The following EFCAB6 variants were observed in gnomAD, a reference collection of about 807,000 sequenced individuals.
EFCAB6 encodes EF-hand calcium binding domain 6.
EFCAB6 carries 156 observed loss-of-function variants against 169.8 expected under a neutral mutation model. The observed-to-expected ratio is 0.92, with a 90% CI of 0.81 to 1.05. EFCAB6 has a LOEUF of 1.05. Among genes scored for constraint, EFCAB6 ranks in the 50% least tolerant of loss-of-function variants. The probability of loss-of-function intolerance (pLI) is 0.00; values close to 1 mark genes in which losing one functional copy is unlikely to be tolerated. For synonymous variants in EFCAB6, 698 were observed against 676.4 expected (o/e 1.03, Z -0.50); for missense variants, 1,800 against 1,829.1 (o/e 0.98, Z 0.29).
chr22:43,529,429 G>C (rs2085814524), intron 31 of EFCAB6, among the ~76,000 whole-genome samples: 1 of 152,192 alleles, frequency 6.6e-6, no homozygotes, highest in South Asian at 2.1e-4. Flanking sequence ...AGAGCCTGCT[G>C]GTGGTAAACC....
chr22:43,633,743 G>A (rs997825274), intron 18 of EFCAB6, among the ~76,000 whole-genome samples: 3 of 152,160 alleles, frequency 2.0e-5, no homozygotes, highest in African/African-American at 7.2e-5. Context: ...AGATGGATGG[G>A]GGACAGGGCG....
chr22:43,785,836 A>G (rs138584679), intron 2 of EFCAB6, among the ~76,000 whole-genome samples: 2 of 152,204 alleles, frequency 1.3e-5, no homozygotes, highest in Admixed American at 1.3e-4. Flanking sequence ...TACAGAAATA[A>G]AAATGATTAT....
intron 29 of EFCAB6, chr22:43,536,541 A>C (rs5764204): frequency 0.77 from 117,116 of 152,104 alleles, 45,593 homozygotes; most frequent in African/African-American, 0.85. Context: ...TAAAATGTTG[A>C]ATAAACAAGA....
chr22:43,720,452 C>T (rs2059482970), intron 8 of EFCAB6, among the ~76,000 whole-genome samples: 2 of 152,034 alleles, frequency 1.3e-5, no homozygotes, highest in South Asian at 4.2e-4. Flanking sequence ...TTCAAGGCTG[C>T]AGTGAGCTAT....
chr22:43,783,028 GT>G (rs990777108), intron 2 of EFCAB6, among the ~76,000 whole-genome samples: 7 of 152,152 alleles, frequency 4.6e-5, no homozygotes, highest in African/African-American at 1.7e-4. Context: ...AGTCACTGGA[GT>G]GGACAGAACA....
rs982550409 is a variant in EFCAB6 at position 43,744,866 on chromosome 22, G to A, written c.508-8873C>T. Among the ~76,000 whole-genome samples, 2 of 152,090 alleles carry A rather than the reference G, an allele frequency of 1.3e-5. No individual in the cohort carries two copies. The highest frequency in any genetic ancestry group is 1.9e-4 in the East Asian group (1 of 5,166). On this transcript the variant is annotated intron_variant, in intron 6 of 31. Coordinates refer to ENST00000262726, the MANE Select transcript of EFCAB6 (RefSeq NM_022785.4). The surrounding 1 kb of genome is among the most constrained non-coding windows in gnomAD (Gnocchi z 4.3). ...GGAGGGAGGTACAGCCAGTGAGCAGGCCCTACCCACTCCAGGGCCCTCGGG... is the reference window on the plus strand; with the variant it reads ...GGAGGGAGGTACAGCCAGTGAGCAGACCCTACCCACTCCAGGGCCCTCGGG...
At chr22:43,638,050 G>A (rs1438740630) in intron 17 of EFCAB6, among the ~76,000 whole-genome samples, 1 of 152,158 alleles carries the variant, frequency 6.6e-6, no homozygotes, top group Non-Finnish European at 1.5e-5. Context: ...AGCGGTCGCA[G>A]GAGCGTAATC....
At chr22:43,716,685 T>C in intron 9 of EFCAB6, 163 bp downstream of exon 9, 1 of 677,074 alleles carries the variant, frequency 1.5e-6, no homozygotes, top group Non-Finnish European at 2.2e-6. Context: ...CCATGATCAA[T>C]GTATTGCTGT....
intron 30 of EFCAB6, 21 bp from the exon 31 acceptor site, chr22:43,530,985 G>C: frequency 7.0e-7 from 1 of 1,438,512 alleles, no homozygotes; most frequent in South Asian, 1.1e-5. Context: ...GACAAGAAGG[G>C]GTGAGGAGGG....
At chr22:43,616,872 C>T (rs2053726416) in intron 20 of EFCAB6, among the ~76,000 whole-genome samples, 1 of 152,186 alleles carries the variant, frequency 6.6e-6, no homozygotes, top group African/African-American at 2.4e-5. Context: ...TGCACACCCA[C>T]ATTGGCACCT....
At chr22:43,647,879 G>A (rs2056262684) in intron 17 of EFCAB6, among the ~76,000 whole-genome samples, 1 of 152,176 alleles carries the variant, frequency 6.6e-6, no homozygotes, top group Non-Finnish European at 1.5e-5. Context: ...AATGCAGCGT[G>A]CTCCCAGAGC....
In EFCAB6 at chr22:43,573,004, G is replaced by A. The variant is rs146769791; in HGVS notation, c.3420+3293C>T. Reference sequence around the variant, plus strand: ...GAGAATGCCAGTGCTACCACAGGAGGCGAAAAGGCAGGAGAGAACAGGCCA... The same window carrying A: ...GAGAATGCCAGTGCTACCACAGGAGACGAAAAGGCAGGAGAGAACAGGCCA... On this transcript the variant is annotated intron_variant, in intron 26 of 31. Transcript: ENST00000262726. Among the ~76,000 whole-genome samples the A allele has an allele frequency of 3.8e-3, 584 of 152,350 alleles. 4 individuals carry two copies. The highest frequency in any genetic ancestry group is 0.034 in the Middle Eastern group (10 of 294).
intron 22 of EFCAB6, among the ~76,000 whole-genome samples, chr22:43,604,313 C>CA (rs1266917134): frequency 6.6e-6 from 1 of 152,170 alleles, no homozygotes; most frequent in African/African-American, 2.4e-5. Flanking sequence ...GAAGATCAGA[C>CA]ACCATCTGCT....
Position 43,608,599 on chromosome 22 carries a change from T to C in EFCAB6, c.2564A>G (p.Asn855Ser), listed in dbSNP as rs773321547. Residue 855 changes from asparagine to serine, a missense_variant and splice_region_variant, in exon 22 of 32, where the codon AAT (asparagine) becomes AGT (serine). Coordinates refer to ENST00000262726, the MANE Select transcript of EFCAB6 (RefSeq NM_022785.4). ...AKNRWSDLSK[N>S]FLETDNEGNG... ...GCCCTCATTATCGGTTTCTAGAAAA[T>C]TCTACAACATCAGAATACGGTATTT... The C allele has an allele frequency of 6.2e-7, 1 of 1,613,876 alleles. No homozygotes were observed. The highest frequency in any genetic ancestry group is 2.2e-5 in the East Asian group (1 of 44,876).
chr22:43,570,718 T>G (rs900567253), intron 26 of EFCAB6, among the ~76,000 whole-genome samples: 1 of 152,100 alleles, frequency 6.6e-6, no homozygotes, highest in South Asian at 2.1e-4. Flanking sequence ...GCTTCTCATC[T>G]TGAAAGGGGA....
intron 2 of EFCAB6, among the ~76,000 whole-genome samples, chr22:43,789,674 T>G (rs1263845663): frequency 6.6e-6 from 1 of 152,148 alleles, no homozygotes; most frequent in Non-Finnish European, 1.5e-5. Flanking sequence ...ATACTGCCAG[T>G]CTGTGGCAAT....
At chr22:43,742,356 G>A (rs2060405820) in intron 6 of EFCAB6, among the ~76,000 whole-genome samples, 1 of 152,134 alleles carries the variant, frequency 6.6e-6, no homozygotes, top group South Asian at 2.1e-4. Flanking sequence ...CCTTCCAAGG[G>A]CTGAGTGGAA....
At chr22:43,796,495 A>G (rs961767358) in intron 2 of EFCAB6, among the ~76,000 whole-genome samples, 5 of 152,184 alleles carry the variant, frequency 3.3e-5, no homozygotes, top group African/African-American at 1.2e-4. Flanking sequence ...TTCAGGAGCT[A>G]TCTCAGAAAT....
chr22:43,535,024 G>T, intron 29 of EFCAB6, 152 bp from the exon 30 acceptor site: 1 of 746,510 alleles, frequency 1.3e-6, no homozygotes, highest in Non-Finnish European at 2.1e-6. Context: ...CTGGACATAT[G>T]TGGAGACAGA....
Sources: gnomAD v4.1 joint callset for allele counts (sites outside exome capture counted in the v4.1 genomes callset) on GRCh38, gnomAD v4.1.1 for gene constraint, Gnocchi (gnomAD v3.1) non-coding constraint, MANE v1.5 for transcripts, NCBI Gene and HGNC (gene_info 2026-07-23, HGNC 2026-07-21) for gene names.